Variants in TMCO4 observed in about 807,000 individuals in gnomAD.
TMCO4 encodes the protein transmembrane and coiled-coil domains 4.
In TMCO4, 58 loss-of-function variants were observed where a neutral mutation model predicts 64.7. That is an observed-to-expected ratio of 0.90 (90% CI 0.73 to 1.12). The LOEUF (loss-of-function observed/expected upper bound fraction) is 1.12. TMCO4 is among the 50% of genes most tolerant of loss of function. The probability of loss-of-function intolerance (pLI) is 0.00; values close to 1 mark genes in which losing one functional copy is unlikely to be tolerated. For missense variants in TMCO4, 780 were observed against 825.9 expected (o/e 0.94, Z 0.68); for synonymous variants, 325 against 346.1 (o/e 0.94, Z 0.68).
chr1:19,745,098 G>A (rs1287223645), intron 10 of TMCO4, among the ~76,000 whole-genome samples: 1 of 151,468 alleles, frequency 6.6e-6, no homozygotes, highest in Admixed American at 6.6e-5. Context: ...ATGAATGGAT[G>A]GGTGGGTGCA....
chr1:19,701,786 C>T (rs561732895), intron 13 of TMCO4, among the ~76,000 whole-genome samples: 11 of 152,092 alleles, frequency 7.2e-5, no homozygotes, highest in Middle Eastern at 3.4e-3. Flanking sequence ...TGCACTCGTC[C>T]GCTGCATCGA....
chr1:19,691,585 G>A (rs1053667218), intron 15 of TMCO4, among the ~76,000 whole-genome samples: 1 of 152,158 alleles, frequency 6.6e-6, no homozygotes, highest in Non-Finnish European at 1.5e-5. Flanking sequence ...TAGCTTCATT[G>A]GCCATTGAGA....
intron 15 of TMCO4, among the ~76,000 whole-genome samples, chr1:19,690,826 G>A (rs115055131): frequency 0.01 from 1,547 of 151,122 alleles, 16 homozygotes; most frequent in South Asian, 0.029. Flanking sequence ...AGGGAGTTGC[G>A]AGGTTTACAG....
chr1:19,768,208 C>T (rs1321455896), intron 6 of TMCO4, among the ~76,000 whole-genome samples: 1 of 152,138 alleles, frequency 6.6e-6, no homozygotes, highest in Non-Finnish European at 1.5e-5. Flanking sequence ...AGATGAAATG[C>T]CAGCACAAGC....
At chr1:19,693,239 T>C (rs545130431) in intron 15 of TMCO4, among the ~76,000 whole-genome samples, 6 of 143,222 alleles carry the variant, frequency 4.2e-5, no homozygotes, top group African/African-American at 1.3e-4. Context: ...TCCCAGCACT[T>C]TGGGAGGCTG....
In TMCO4 at chr1:19,705,063, G is replaced by A. The variant is rs990569430; in HGVS notation, c.1265-4178C>T. ...CTCAGCAATGCATGGTGTTAGCTAAGGGCGGTTGGCAAGAACCACCTTAGA... is the reference window on the plus strand; with the variant it reads ...CTCAGCAATGCATGGTGTTAGCTAAAGGCGGTTGGCAAGAACCACCTTAGA... On this transcript the variant is annotated intron_variant, in intron 13 of 15. Transcript: ENST00000294543. Among the ~76,000 whole-genome samples the A allele has an allele frequency of 1.4e-4, 21 of 152,188 alleles. 1 individual carries two copies. The highest frequency in any genetic ancestry group is 6.5e-5 in the Admixed American group (1 of 15,280).
At chr1:19,747,919 G>C (rs1196512528) in intron 7 of TMCO4, among the ~76,000 whole-genome samples, 1 of 152,188 alleles carries the variant, frequency 6.6e-6, no homozygotes, top group Non-Finnish European at 1.5e-5. Flanking sequence ...GGCTGGGATG[G>C]AGAGGTTATT....
intron 4 of TMCO4, among the ~76,000 whole-genome samples, chr1:19,772,912 G>A (rs898464573): frequency 1.3e-5 from 2 of 152,184 alleles, no homozygotes; most frequent in Admixed American, 6.5e-5. Context: ...AGCCTCAGCC[G>A]GGCGCAGTGG....
At chr1:19,746,945 A>G (rs1570877076) in intron 8 of TMCO4, among the ~76,000 whole-genome samples, 1 of 150,108 alleles carries the variant, frequency 6.7e-6, no homozygotes, top group Non-Finnish European at 1.5e-5. Flanking sequence ...AAAAAAAAAA[A>G]CGTGGCTTGA....
At chr1:19,775,822 G>C (rs2043179618) in intron 4 of TMCO4, among the ~76,000 whole-genome samples, 2 of 152,210 alleles carry the variant, frequency 1.3e-5, no homozygotes, top group South Asian at 4.1e-4. Context: ...TATATCCTGT[G>C]GGATCAAGAA....
At chr1:19,771,569 G>T in intron 4 of TMCO4, 87 bp from the exon 5 acceptor site, 2 of 1,384,712 alleles carry the variant, frequency 1.4e-6, no homozygotes, top group South Asian at 1.4e-5. Context: ...TCACGGATGT[G>T]AACAGCTGGC....
intron 7 of TMCO4, 107 bp from the exon 8 acceptor site, chr1:19,747,367 G>T: frequency 1.0e-6 from 1 of 958,512 alleles, no homozygotes; most frequent in Non-Finnish European, 1.7e-6. Flanking sequence ...TAGCTACTCT[G>T]CCACTCAGAG....
intron 13 of TMCO4, among the ~76,000 whole-genome samples, chr1:19,725,687 G>A (rs1164537506): frequency 1.3e-5 from 2 of 152,112 alleles, no homozygotes; most frequent in South Asian, 2.1e-4. Context: ...TGCTAGAGGG[G>A]GATTGTTCAT....
intron 3 of TMCO4, among the ~76,000 whole-genome samples, chr1:19,783,611 T>C (rs1271477652): frequency 6.6e-6 from 1 of 152,258 alleles, no homozygotes; most frequent in Non-Finnish European, 1.5e-5. Context: ...TTAATTCTTA[T>C]AACTACCATG....
chr1:19,710,812 G>C (rs1438281632), intron 13 of TMCO4, among the ~76,000 whole-genome samples: 1 of 152,168 alleles, frequency 6.6e-6, no homozygotes, highest in African/African-American at 2.4e-5. Flanking sequence ...TTGATTCAAG[G>C]GACAACTAGC....
intron 10 of TMCO4, among the ~76,000 whole-genome samples, chr1:19,744,928 T>C (rs2041697269): frequency 6.6e-6 from 1 of 152,144 alleles, no homozygotes; most frequent in Non-Finnish European, 1.5e-5. Context: ...TAAGACCTGG[T>C]TCAGTATATG....
intron 13 of TMCO4, among the ~76,000 whole-genome samples, chr1:19,723,210 C>T (rs966664310): frequency 6.6e-6 from 1 of 152,192 alleles, no homozygotes; most frequent in African/African-American, 2.4e-5. Context: ...ATCTGAAATG[C>T]TGCATTGAGC....
chr1:19,783,631 G>A (rs1241903307), intron 3 of TMCO4, among the ~76,000 whole-genome samples: 1 of 152,218 alleles, frequency 6.6e-6, no homozygotes, highest in African/African-American at 2.4e-5. Flanking sequence ...GTAAAGTTAA[G>A]TAGGACATGA....
At chr1:19,789,053 C>G (rs10917538) in intron 2 of TMCO4, among the ~76,000 whole-genome samples, 1 of 147,096 alleles carries the variant, frequency 6.8e-6, no homozygotes, top group Non-Finnish European at 1.5e-5. Context: ...CCAGCCTGGG[C>G]GACAGAGTGA....
Sources: gnomAD v4.1 joint callset for allele counts (sites outside exome capture counted in the v4.1 genomes callset) on GRCh38, gnomAD v4.1.1 for gene constraint, MANE v1.5 for transcripts, NCBI Gene and HGNC (gene_info 2026-07-23, HGNC 2026-07-21) for gene names.